ADAMTS9: variants seen among roughly 807,000 people sequenced by gnomAD.
ADAMTS9 encodes the protein A disintegrin and metalloproteinase with thrombospondin motifs 9.
A neutral mutation model predicts 257.1 loss-of-function variants in ADAMTS9; 107 were observed. The observed-to-expected ratio is 0.42, with a 90% CI of 0.36 to 0.49. ADAMTS9 has a LOEUF of 0.49. Ranked by LOEUF, ADAMTS9 falls within the 20% of genes least tolerant of loss-of-function variation. The pLI, the probability that ADAMTS9 is intolerant of heterozygous loss-of-function variation, is 0.03. For missense variants in ADAMTS9, 2,353 were observed against 2,469.1 expected (o/e 0.95, Z 1.00); for synonymous variants, 982 against 880.9 (o/e 1.11, Z -2.03).
At chr3:64,680,578 T>C (rs1182172804) in intron 3 of ADAMTS9, among the ~76,000 whole-genome samples, 1 of 151,992 alleles carries the variant, frequency 6.6e-6, no homozygotes, top group Non-Finnish European at 1.5e-5. Context: ...GCGCAAAACC[T>C]CAAAGAATCT....
chr3:64,650,409 A>G (rs1700903591), intron 9 of ADAMTS9: 1 of 152,566 alleles, frequency 6.6e-6, no homozygotes, highest in African/African-American at 2.4e-5. Context: ...AGAGCAATAA[A>G]TCTGTGACAC....
intron 28 of ADAMTS9, among the ~76,000 whole-genome samples, chr3:64,593,961 ATGTGTG>A (rs200112357): frequency 1.0e-3 from 111 of 108,308 alleles, no homozygotes; most frequent in African/African-American, 4.1e-3. Context: ...TGTGTGTATG[ATGTGTG>A]TGTGTGTGTG....
At chr3:64,646,930 T>C (rs1405482311) in intron 11 of ADAMTS9, among the ~76,000 whole-genome samples, 1 of 152,174 alleles carries the variant, frequency 6.6e-6, no homozygotes, top group Admixed American at 6.5e-5. Flanking sequence ...GAGAAGTTTC[T>C]TGTCTATAAG....
chr3:64,643,150 C>A, intron 11 of ADAMTS9, among the ~76,000 whole-genome samples: 1 of 152,250 alleles, frequency 6.6e-6, no homozygotes, highest in East Asian at 1.9e-4. Context: ...CCATGAAATG[C>A]GCACTGAGGC....
chr3:64,543,982 A>T (rs1326786088), intron 32 of ADAMTS9, among the ~76,000 whole-genome samples: 21 of 152,246 alleles, frequency 1.4e-4, no homozygotes, highest in African/African-American at 5.1e-4. Context: ...TAACAGACAA[A>T]CAGCCAAATC....
chr3:64,580,322 T>C (rs1576067442), intron 28 of ADAMTS9, among the ~76,000 whole-genome samples: 2 of 152,188 alleles, frequency 1.3e-5, no homozygotes, highest in African/African-American at 2.4e-5. Flanking sequence ...AAAGCCTTGC[T>C]TTCTAAGTAT....
At position 64,687,603 on chromosome 3, in the gene ADAMTS9, C is replaced by T; in HGVS notation, c.55G>A (p.Glu19Lys). The T allele has an allele frequency of 1.3e-6, 2 of 1,585,288 alleles. No homozygotes were observed. Among genetic ancestry groups the T allele is most frequent in the Non-Finnish European group, 1.7e-6 (2 of 1,167,246 alleles). The change falls in exon 1 of 40, where the codon GAG (glutamate) becomes AAG (lysine). Residue 19 changes from glutamate (E) to lysine (K), a missense_variant. Transcript: ENST00000498707. This position sits in a 1 kb window ranked among gnomAD's most constrained non-coding sequence, Gnocchi z 4.4. Reference protein sequence around the residue: ...LLTLLVRDLAEMGSPDAAAAV... With the variant: ...LLTLLVRDLAKMGSPDAAAAV... Reference sequence around the variant, plus strand: ...GCCGCGGCGTCTGGGCTCCCCATCTCGGCCAGGTCCCGCACCAGGAGCGTT... The same window carrying T: ...GCCGCGGCGTCTGGGCTCCCCATCTTGGCCAGGTCCCGCACCAGGAGCGTT...
rs772741178 is a variant in ADAMTS9 at position 64,594,430 on chromosome 3, G to A, written c.4184C>T (p.Thr1395Ile). The A allele has an allele frequency of 1.4e-5, 22 of 1,611,572 alleles. No individual in the cohort carries two copies. Among genetic ancestry groups the A allele is most frequent in the Middle Eastern group, 1.6e-4 (1 of 6,064 alleles). The stretch of plus-strand genomic sequence containing the variant: ...TCTTATGCCTCCACCACACAGCTTA[G>A]TGCACTGGAAGAAGGAAAAGGAAGG... Reference protein sequence around the residue: ...QWAYGNWGECTKLCGGGIRTR... With the variant: ...QWAYGNWGECIKLCGGGIRTR... The change falls in exon 28 of 40, where the codon ACT becomes ATT. Residue 1395 changes from threonine to isoleucine, a missense_variant. Physicochemically the swap from Thr to Ile is moderately conservative, Grantham distance 89. This residue lies in a region of ADAMTS9 where 1,402 missense variants were observed against 1,441.4 expected (regional missense o/e 0.97). Coordinates refer to ENST00000498707, the MANE Select transcript of ADAMTS9 (RefSeq NM_182920.2).
At chr3:64,547,219 T>C (rs569877041) in intron 31 of ADAMTS9, among the ~76,000 whole-genome samples, 1 of 152,026 alleles carries the variant, frequency 6.6e-6, no homozygotes, top group African/African-American at 2.4e-5. Flanking sequence ...CTTCTGGAGG[T>C]TTCGAAGGGA....
At chr3:64,596,726 T>A (rs879125730) in intron 27 of ADAMTS9, 104 bp downstream of exon 27, 1 of 1,402,932 alleles carries the variant, frequency 7.1e-7, no homozygotes, top group Admixed American at 2.0e-5. Flanking sequence ...CCCCAGAAGC[T>A]TCTACTAGAG....
At chr3:64,547,539 G>A (rs1485723135) in intron 31 of ADAMTS9, among the ~76,000 whole-genome samples, 1 of 93,852 alleles carries the variant, frequency 1.1e-5, no homozygotes, top group East Asian at 2.9e-4. Flanking sequence ...TTGAGACTGT[G>A]TCTCACTCTG....
At chr3:64,541,668 G>T in intron 33 of ADAMTS9, 48 bp from the exon 34 acceptor site, 2 of 1,563,938 alleles carry the variant, frequency 1.3e-6, no homozygotes, top group Non-Finnish European at 1.8e-6. Flanking sequence ...TCCGAGATGT[G>T]AATTATCTGC....
intron 11 of ADAMTS9, among the ~76,000 whole-genome samples, chr3:64,645,396 G>A (rs1366648402): frequency 1.3e-5 from 2 of 152,102 alleles, no homozygotes; most frequent in Non-Finnish European, 2.9e-5. Flanking sequence ...ACATTAGTGA[G>A]TCATTCATCA....
chr3:64,528,564 G>A (rs1395871552), intron 38 of ADAMTS9, among the ~76,000 whole-genome samples: 2 of 152,032 alleles, frequency 1.3e-5, no homozygotes, highest in Non-Finnish European at 2.9e-5. Flanking sequence ...TTATTCCTGG[G>A]GTCAGGTGGC....
intron 3 of ADAMTS9, among the ~76,000 whole-genome samples, chr3:64,673,494 C>G (rs1242060310): frequency 6.6e-6 from 1 of 152,074 alleles, no homozygotes; most frequent in Non-Finnish European, 1.5e-5. Flanking sequence ...ACGAAAATAG[C>G]AATTTTAACA....
chr3:64,601,613 C>A (rs750102667), intron 26 of ADAMTS9, among the ~76,000 whole-genome samples: 10 of 152,120 alleles, frequency 6.6e-5, no homozygotes, highest in Non-Finnish European at 1.0e-4. Flanking sequence ...TCTCTGTCTT[C>A]TTAATTCCCC....
At chr3:64,569,752 CTTTAA>C (rs1409014007) in intron 28 of ADAMTS9, among the ~76,000 whole-genome samples, 1 of 152,078 alleles carries the variant, frequency 6.6e-6, no homozygotes, top group Non-Finnish European at 1.5e-5. Flanking sequence ...ATACATTTGG[CTTTAA>C]TTTTTTTAAC....
intron 6 of ADAMTS9, among the ~76,000 whole-genome samples, chr3:64,654,940 GTGC>G (rs2106957828): frequency 6.6e-6 from 1 of 152,264 alleles, no homozygotes; most frequent in African/African-American, 2.4e-5. Flanking sequence ...TCCTGAGAAG[GTGC>G]AAGATACCTT....
Position 64,561,691 on chromosome 3 carries a change from G to C in ADAMTS9, c.4585C>G (p.His1529Asp). The C allele has an allele frequency of 6.2e-7, 1 of 1,613,738 alleles. No homozygotes were observed. Among genetic ancestry groups the C allele is most frequent in the Non-Finnish European group, 8.5e-7 (1 of 1,179,948 alleles). Reference sequence around the variant, plus strand: ...CACTCGGTCTCTCTGGCTATTTTGTGTGTTCCGATCTGACAGCCCACATGC... The same window carrying C: ...CACTCGGTCTCTCTGGCTATTTTGTCTGTTCCGATCTGACAGCCCACATGC... ...QRHVGCQIGT[H>D]KIARETECNP... The change falls in exon 30 of 40, where the codon CAC (histidine) becomes GAC (aspartate). Residue 1529 changes from histidine to aspartate, a missense_variant. Physicochemically the swap from His to Asp is moderately conservative, Grantham distance 81 (BLOSUM62 -1). Around this residue, in one of 3 missense-constraint regions of ADAMTS9, gnomAD observed 1,402 missense variants for 1,441.4 expected, o/e 0.97. Transcript: ENST00000498707.
Sources: allele counts gnomAD v4.1 joint callset (sites outside exome capture counted in the v4.1 genomes callset), GRCh38; gene constraint gnomAD v4.1.1; regional missense constraint gnomAD v4.1.1; non-coding constraint Gnocchi (gnomAD v3.1); transcripts MANE v1.5; gene names NCBI Gene and HGNC (gene_info 2026-07-23, HGNC 2026-07-21).